The following REPS2 variants were observed in gnomAD, a reference collection of about 807,000 sequenced individuals.
REPS2 encodes ralBP1-associated Eps domain-containing protein 2.
In REPS2, 23 loss-of-function variants were observed where a neutral mutation model predicts 53.6. That is an observed-to-expected ratio of 0.43 (90% CI 0.31 to 0.61). The LOEUF (loss-of-function observed/expected upper bound fraction) is 0.61, where lower values mean the gene tolerates loss of function less well. Among genes scored for constraint, REPS2 ranks in the 20% least tolerant of loss-of-function variants. The pLI is 0.11. For synonymous variants in REPS2, 238 were observed against 218.6 expected, an observed-to-expected ratio of 1.09 and a Z score of -0.78; for missense variants, 446 against 534.9, an observed-to-expected ratio of 0.83 and a Z score of 1.64.
chrX:16,946,987 C>A lies in REPS2; in HGVS notation c.126C>A (p.Phe42Leu). Residue 42 changes from phenylalanine to leucine, a missense_variant, in exon 1 of 18, where the codon TTC (phenylalanine) becomes TTA (leucine). Coordinates refer to ENST00000357277, the MANE Select transcript of REPS2 (RefSeq NM_004726.3). The stretch of plus-strand genomic sequence containing the variant: ...AGCAGCAGTGCTACTCCGAGCTCTT[C>A]GCGCGCTGTGCCGGCGCCGCGGGCG... ...EGEQQCYSEL[F>L]ARCAGAAGGG... 1 of 927,765 alleles carries A rather than the reference C, an allele frequency of 1.1e-6. No homozygotes were observed. The allele number at this position is 927,765 out of a possible 1,213,427, so 76.5% of individuals were successfully genotyped here.
intron 13 of REPS2, among the ~76,000 whole-genome samples, chrX:17,095,526 T>C (rs1198834602): frequency 2.3e-4 from 1 of 4,311 alleles, no homozygotes; most frequent in Non-Finnish European, 4.5e-4. Context: ...CAATCAGTCT[T>C]TTTTTTTTTT....
chrX:17,107,036 T>C (rs1169183640), intron 14 of REPS2, among the ~76,000 whole-genome samples: 1 of 111,762 alleles, frequency 8.9e-6, no homozygotes, highest in Non-Finnish European at 1.9e-5. Context: ...AAACAAGCAA[T>C]GGGGAAAGGA....
the REPS2 span, among the ~76,000 whole-genome samples, chrX:17,160,399 A>C: frequency 1.9e-4 from 21 of 112,559 alleles, no homozygotes; most frequent in African/African-American, 6.1e-4. Flanking sequence ...GGTATTTAGA[A>C]AGCTTAAGAG....
chrX:17,124,240 G>A (rs184566356), intron 14 of REPS2, among the ~76,000 whole-genome samples: 1 of 112,385 alleles, frequency 8.9e-6, no homozygotes, highest in East Asian at 2.8e-4. Context: ...ACATGAAACA[G>A]TATTGGGTTC....
chrX:17,018,082 T>C (rs2061522376), intron 2 of REPS2, among the ~76,000 whole-genome samples: 1 of 112,096 alleles, frequency 8.9e-6, no homozygotes, highest in Admixed American at 9.5e-5. Context: ...AATTCAGTAA[T>C]GTGTAAATAT....
At chrX:16,960,566 T>C (rs2060648498) in intron 1 of REPS2, among the ~76,000 whole-genome samples, 1 of 112,287 alleles carries the variant, frequency 8.9e-6, no homozygotes, top group African/African-American at 3.2e-5. Flanking sequence ...AAGCTTTTTT[T>C]CTAAGATCTG....
chrX:17,043,453 G>A (rs1333090279), intron 5 of REPS2, among the ~76,000 whole-genome samples: 1 of 110,580 alleles, frequency 9.0e-6, no homozygotes, highest in Non-Finnish European at 1.9e-5. Context: ...CCCTGGTTGT[G>A]TTAAGTTTGC....
chrX:17,023,423 G>C (rs1042108441), intron 3 of REPS2, among the ~76,000 whole-genome samples: 1 of 37,708 alleles, frequency 2.7e-5, no homozygotes, highest in Admixed American at 3.7e-4. Flanking sequence ...GCAAGACTGT[G>C]TCTCAAAAAA....
intron 13 of REPS2, among the ~76,000 whole-genome samples, chrX:17,086,889 G>A (rs188372185): frequency 6.2e-4 from 70 of 112,174 alleles, no homozygotes; most frequent in African/African-American, 2.2e-3. Context: ...TATTTAATGA[G>A]CATTTACTGG....
intron 1 of REPS2, among the ~76,000 whole-genome samples, chrX:16,998,892 C>G (rs891013412): frequency 7.1e-5 from 8 of 112,590 alleles, no homozygotes; most frequent in African/African-American, 2.6e-4. Flanking sequence ...TTTCTCACTT[C>G]TAAAGCAAAA....
chrX:17,013,525 CTT>C (rs780447787), intron 2 of REPS2, among the ~76,000 whole-genome samples: 2 of 110,668 alleles, frequency 1.8e-5, no homozygotes, highest in African/African-American at 6.6e-5. Context: ...GGAGAGAAAT[CTT>C]TTGAGTGTGA....
intron 17 of REPS2, 109 bp from the exon 18 acceptor site, chrX:17,147,304 G>A: frequency 1.8e-6 from 1 of 570,408 alleles, no homozygotes; most frequent in East Asian, 3.4e-5. Flanking sequence ...TACAGCACTT[G>A]TATTTGTGGG....
chrX:17,001,259 C>T (rs1486880366), intron 1 of REPS2, among the ~76,000 whole-genome samples: 1 of 112,395 alleles, frequency 8.9e-6, no homozygotes, highest in African/African-American at 3.2e-5. Context: ...AAAAACATAG[C>T]TTTGCAATGA....
chrX:17,006,508 C>G (rs958412955), intron 2 of REPS2, among the ~76,000 whole-genome samples, 164 bp downstream of exon 2: 1 of 111,562 alleles, frequency 9.0e-6, no homozygotes, highest in Non-Finnish European at 1.9e-5. Context: ...TAGTTTCTTT[C>G]TTTTTTAAAT....
At chrX:17,093,317 T>C (rs1190554479) in intron 13 of REPS2, among the ~76,000 whole-genome samples, 1 of 103,963 alleles carries the variant, frequency 9.6e-6, no homozygotes, top group Non-Finnish European at 2.0e-5. Context: ...TTGAGAGTTC[T>C]CATCGAGACC....
chrX:17,077,237 A>C (rs773635134), intron 12 of REPS2, 34 bp from the exon 13 acceptor site: 1 of 1,142,117 alleles, frequency 8.8e-7, no homozygotes, highest in Non-Finnish European at 1.2e-6. Context: ...AAGCTTTGCT[A>C]TTTCGCTTCT....
intron 1 of REPS2, among the ~76,000 whole-genome samples, chrX:16,954,021 A>G (rs964001734): frequency 1.8e-5 from 2 of 111,041 alleles, no homozygotes; most frequent in African/African-American, 6.6e-5. Flanking sequence ...CAATCTGATC[A>G]TGACTCACTG....
chrX:16,981,844 A>G (rs893690738), intron 1 of REPS2, among the ~76,000 whole-genome samples: 8 of 112,288 alleles, frequency 7.1e-5, no homozygotes, highest in Admixed American at 1.9e-4. Context: ...TCACACATTT[A>G]AAGTGTCAAA....
At chrX:17,127,494 A>G (rs1428926026) in intron 14 of REPS2, among the ~76,000 whole-genome samples, 1 of 112,112 alleles carries the variant, frequency 8.9e-6, no homozygotes, top group Non-Finnish European at 1.9e-5. Flanking sequence ...TAGTTACTTA[A>G]GAAAAGGAGT....
Sources: allele counts gnomAD v4.1 joint callset (sites outside exome capture counted in the v4.1 genomes callset), GRCh38; gene constraint gnomAD v4.1.1; transcripts MANE v1.5; gene names NCBI Gene and HGNC (gene_info 2026-07-23, HGNC 2026-07-21).